The following CTDSPL variants were observed in gnomAD, a reference collection of about 807,000 sequenced individuals.
CTDSPL encodes CTD small phosphatase like, also known as CTD small phosphatase-like protein.
CTDSPL carries 8 observed loss-of-function variants against 30.5 expected under a neutral mutation model. The ratio of observed to expected loss-of-function variants is 0.26; its 90% CI spans 0.15 to 0.47. The LOEUF (loss-of-function observed/expected upper bound fraction) is 0.47. CTDSPL is among the 20% of genes least tolerant of loss of function. CTDSPL has a pLI of 0.99. For synonymous variants in CTDSPL, 110 were observed against 137.9 expected, an observed-to-expected ratio of 0.80 and a Z score of 1.42; for missense variants, 248 against 366.1, an observed-to-expected ratio of 0.68 and a Z score of 2.63.
chr3:37,964,812 T>C (rs373962130), intron 4 of CTDSPL, 140 bp downstream of exon 4: 100 of 607,978 alleles, frequency 1.6e-4, no homozygotes, highest in Non-Finnish European at 2.4e-4. Context: ...AGGAGCTGCT[T>C]ATTAACCCAG....
In CTDSPL at chr3:37,932,237, T is replaced by C. The variant is rs1212930412; in HGVS notation, c.80-14820T>C. On this transcript the variant is annotated intron_variant, in intron 1 of 7. Transcript: ENST00000273179. Reference sequence around the variant, plus strand: ...CCAGGACAAACCCCAAACAGTTAAATGTTTACTTTAAAAGATATTTACTAG... The same window carrying C: ...CCAGGACAAACCCCAAACAGTTAAACGTTTACTTTAAAAGATATTTACTAG... Among the ~76,000 whole-genome samples, 6 of 152,206 alleles carry C rather than the reference T, an allele frequency of 3.9e-5. No homozygotes were observed. The East Asian group carries it at 1.2e-3, about 29-fold the overall frequency.
At chr3:37,948,813 T>TTTTTTTTTTC (rs1337272956) in intron 2 of CTDSPL, among the ~76,000 whole-genome samples, 36 of 127,484 alleles carry the variant, frequency 2.8e-4, no homozygotes, top group Non-Finnish European at 5.0e-4. Flanking sequence ...GCTTTCTTTT[T>TTTTTTTTTTC]TTTTTTTTTT....
intron 1 of CTDSPL, among the ~76,000 whole-genome samples, chr3:37,873,770 A>G (rs184225761): frequency 4.6e-5 from 7 of 152,334 alleles, no homozygotes; most frequent in South Asian, 4.1e-4. Flanking sequence ...TGCTTTGAAA[A>G]TCTTAATTGT....
At chr3:37,957,642 G>GT (rs1699189180) in intron 3 of CTDSPL, among the ~76,000 whole-genome samples, 1 of 152,164 alleles carries the variant, frequency 6.6e-6, no homozygotes, top group African/African-American at 2.4e-5. Flanking sequence ...AGAAGTCACT[G>GT]TAACTATATT....
At chr3:37,964,715 A>G in intron 4 of CTDSPL, 43 bp downstream of exon 4, 1 of 1,447,124 alleles carries the variant, frequency 6.9e-7, no homozygotes, top group Non-Finnish European at 9.7e-7. Context: ...TTGTGATTTG[A>G]TAACAATTGT....
At chr3:37,936,899 C>G (rs1698922877) in intron 1 of CTDSPL, among the ~76,000 whole-genome samples, 1 of 152,152 alleles carries the variant, frequency 6.6e-6, no homozygotes, top group Non-Finnish European at 1.5e-5. Flanking sequence ...CAATGTAAAT[C>G]TGCGATGGAT....
Position 37,982,044 on chromosome 3 carries a change from G to A in CTDSPL, c.*1177G>A. The A allele has an allele frequency of 2.7e-6, 1 of 377,038 alleles. No individual in the cohort carries two copies. The highest frequency in any genetic ancestry group is 5.3e-6 in the Non-Finnish European group (1 of 188,992). 23.4% of individuals were successfully genotyped at this position (377,038 alleles called of 1,614,324 possible). A position where few individuals can be genotyped will look rare whatever the true frequency, so the allele number is the denominator to read the frequency against. On this transcript the variant is annotated 3_prime_UTR_variant, in exon 8 of 8. Coordinates refer to ENST00000273179, the MANE Select transcript of CTDSPL (RefSeq NM_001008392.2). The stretch of plus-strand genomic sequence containing the variant: ...CCCCTTCCTGGCATTGGCCACTGAA[G>A]GGTACAAAGGCAAAAGGACCACAGC...
chr3:37,914,169 C>G (rs1248366977), intron 1 of CTDSPL, among the ~76,000 whole-genome samples: 1 of 151,956 alleles, frequency 6.6e-6, no homozygotes, highest in African/African-American at 2.4e-5. Flanking sequence ...TTATTTACTC[C>G]TATTTATTTT....
At chr3:37,948,817 T>C (rs1391579379) in intron 2 of CTDSPL, among the ~76,000 whole-genome samples, 3 of 139,590 alleles carry the variant, frequency 2.1e-5, no homozygotes, top group Non-Finnish European at 1.5e-5. Context: ...TCTTTTTTTT[T>C]TTTTTTTTTT....
At chr3:37,945,146 C>T (rs1297689101) in intron 1 of CTDSPL, among the ~76,000 whole-genome samples, 13 of 149,080 alleles carry the variant, frequency 8.7e-5, no homozygotes, top group African/African-American at 2.9e-4. Context: ...ATTTTTTTTT[C>T]CCCCTGACTA....
At chr3:37,950,463 T>C (rs1364937179) in intron 2 of CTDSPL, among the ~76,000 whole-genome samples, 1 of 152,216 alleles carries the variant, frequency 6.6e-6, no homozygotes, top group African/African-American at 2.4e-5. Context: ...TAAAAACTCA[T>C]GATTTCTAAA....
At chr3:37,947,297 A>G in intron 2 of CTDSPL, 86 bp downstream of exon 2, 1 of 1,490,182 alleles carries the variant, frequency 6.7e-7, no homozygotes, top group South Asian at 1.3e-5. Context: ...CTTAAGAAGA[A>G]TATGCAGAGC....
chr3:37,930,785 T>C (rs1351844931), intron 1 of CTDSPL, among the ~76,000 whole-genome samples: 2 of 152,258 alleles, frequency 1.3e-5, no homozygotes, highest in Non-Finnish European at 2.9e-5. Flanking sequence ...TGTTTCCTTG[T>C]TGACCATTGT....
At chr3:37,885,701 T>G (rs2125594161) in intron 1 of CTDSPL, among the ~76,000 whole-genome samples, 1 of 152,168 alleles carries the variant, frequency 6.6e-6, no homozygotes, top group South Asian at 2.1e-4. Flanking sequence ...AGAAGCTTCT[T>G]AGCAAAGGGA....
chr3:37,973,508 G>A (rs566096955), intron 6 of CTDSPL, among the ~76,000 whole-genome samples: 69 of 152,340 alleles, frequency 4.5e-4, no homozygotes, highest in Admixed American at 1.8e-3. Context: ...AGCCGAATCA[G>A]CTCCCACGTG....
At chr3:37,909,490 G>C (rs1376783565) in intron 1 of CTDSPL, among the ~76,000 whole-genome samples, 1 of 152,254 alleles carries the variant, frequency 6.6e-6, no homozygotes, top group Non-Finnish European at 1.5e-5. Flanking sequence ...CCTGGAGCTG[G>C]TCATTTCCTT....
At chr3:37,882,900 C>G (rs1385752656) in intron 1 of CTDSPL, among the ~76,000 whole-genome samples, 1 of 152,154 alleles carries the variant, frequency 6.6e-6, no homozygotes, top group Non-Finnish European at 1.5e-5. Flanking sequence ...ATATGTTTCT[C>G]TAAGGTGACC....
chr3:37,892,323 G>T (rs1316710894), intron 1 of CTDSPL, among the ~76,000 whole-genome samples: 2 of 152,106 alleles, frequency 1.3e-5, no homozygotes, highest in Admixed American at 6.6e-5. Context: ...CTAAATGAAG[G>T]AATACATATA....
intron 1 of CTDSPL, among the ~76,000 whole-genome samples, chr3:37,946,247 G>T (rs945719465): frequency 6.6e-6 from 1 of 152,180 alleles, no homozygotes; most frequent in African/African-American, 2.4e-5. Context: ...TTCCTGACTT[G>T]TGGCAGCTTG....
Sources: allele counts gnomAD v4.1 joint callset (sites outside exome capture counted in the v4.1 genomes callset), GRCh38; gene constraint gnomAD v4.1.1; transcripts MANE v1.5; gene names NCBI Gene and HGNC (gene_info 2026-07-23, HGNC 2026-07-21).